Variants in COTL1 observed in about 807,000 individuals in gnomAD.
The protein encoded by COTL1 is coactosin-like protein.
A neutral mutation model predicts 16.5 loss-of-function variants in COTL1; 15 were observed. The ratio of observed to expected loss-of-function variants is 0.91; its 90% CI spans 0.61 to 1.40. The LOEUF (loss-of-function observed/expected upper bound fraction) is 1.40, where lower values mean the gene tolerates loss of function less well. COTL1 is among the 40% of genes most tolerant of loss of function. COTL1 has a pLI of 0.00. For missense variants in COTL1, 220 were observed against 201.5 expected, an observed-to-expected ratio of 1.09 and a Z score of -0.56; for synonymous variants, 112 against 85.3, an observed-to-expected ratio of 1.31 and a Z score of -1.73.
At chr16:84,616,957 G>C (rs1330191518) in intron 2 of COTL1, among the ~76,000 whole-genome samples, 3 of 152,204 alleles carry the variant, frequency 2.0e-5, no homozygotes, top group East Asian at 1.9e-4. Context: ...TCACACCATA[G>C]ATTAGTTTCG....
At chr16:84,569,514 G>A (rs367711610) in intron 3 of COTL1, among the ~76,000 whole-genome samples, 106 of 152,224 alleles carry the variant, frequency 7.0e-4, no homozygotes, top group East Asian at 2.1e-3. Context: ...AGTGGAGAAC[G>A]GGAGGTTAAT....
At position 84,604,349 on chromosome 16, in the gene COTL1, C is replaced by CT. The variant is rs1470995769; in HGVS notation, c.160+13151dup. 2.2e-5 allele frequency among the ~76,000 whole-genome samples: 3 copies of CT among 135,820 alleles called. No individual in the cohort carries two copies. In the East Asian group the frequency reaches 6.6e-4, roughly 30 times the overall value. 89.1% of individuals were successfully genotyped at this position (135,820 alleles called of 152,430 possible). A position where few individuals can be genotyped will look rare whatever the true frequency, so the allele number is the denominator to read the frequency against. On this transcript the variant is annotated intron_variant, in intron 2 of 3. Coordinates refer to ENST00000262428, the MANE Select transcript of COTL1 (RefSeq NM_021149.5). ...CCACGGCCCCCACCCCATGGCCCTA[C>CT]TAGGTTCCTGTCCTCCTGCCCACCC... is the stretch of plus-strand genomic sequence containing the variant.
chr16:84,590,507 G>A lies in COTL1; in HGVS notation c.161-245C>T, dbSNP rs972141638. 1 of 368,370 alleles carries A rather than the reference G, an allele frequency of 2.7e-6. No individual in the cohort carries two copies. The highest frequency in any genetic ancestry group is 4.9e-6 in the Non-Finnish European group (1 of 204,434). 22.8% of individuals were successfully genotyped at this position (368,370 alleles called of 1,614,324 possible). On this transcript the variant is annotated intron_variant, in intron 2 of 3. Transcript: ENST00000262428. This position sits in a 1 kb window ranked among gnomAD's most constrained non-coding sequence, Gnocchi z 5.5. ...GCCCATTTCACAGATGGGAAATGGA[G>A]ATTCAGAGAAGTCACATGGCACTTT...
At chr16:84,606,180 G>C (rs916163740) in intron 2 of COTL1, among the ~76,000 whole-genome samples, 38 of 152,222 alleles carry the variant, frequency 2.5e-4, no homozygotes, top group African/African-American at 8.7e-4. Context: ...AGCTGAATCA[G>C]AAAAGTCACA....
chr16:84,581,975 CTTCTTTTTTTTTTTT>C (rs1227858802), intron 3 of COTL1, among the ~76,000 whole-genome samples: 17 of 133,142 alleles, frequency 1.3e-4, no homozygotes, highest in Admixed American at 1.6e-4. Flanking sequence ...AGATACATTT[CTTCTTTTTTTTTTTT>C]TTTTTTTTTT....
At chr16:84,584,876 G>A (rs2150685306) in intron 3 of COTL1, among the ~76,000 whole-genome samples, 1 of 152,262 alleles carries the variant, frequency 6.6e-6, no homozygotes, top group South Asian at 2.1e-4. Context: ...AGCCCAGAGA[G>A]GGTAAGCCAT....
intron 2 of COTL1, among the ~76,000 whole-genome samples, chr16:84,602,864 A>G (rs1905129112): frequency 6.6e-6 from 1 of 151,792 alleles, no homozygotes; most frequent in Non-Finnish European, 1.5e-5. Flanking sequence ...AAAAAAAAAA[A>G]GTGCATGGAA....
At chr16:84,611,726 A>G (rs1275534655) in intron 2 of COTL1, among the ~76,000 whole-genome samples, 2 of 152,224 alleles carry the variant, frequency 1.3e-5, no homozygotes, top group African/African-American at 4.8e-5. Flanking sequence ...CTATATCTGA[A>G]CTATATCTAC....
chr16:84,585,143 G>A lies in COTL1; in HGVS notation c.318+4962C>T, dbSNP rs575050344. 8.5e-5 allele frequency among the ~76,000 whole-genome samples: 13 copies of A among 152,286 alleles called. No individual in the cohort carries two copies. In the South Asian group the frequency reaches 2.7e-3, roughly 32 times the overall value. On this transcript the variant is annotated intron_variant, in intron 3 of 3. Coordinates refer to ENST00000262428, the MANE Select transcript of COTL1 (RefSeq NM_021149.5). ...ACAAATGAGGACACTGAGGCCCAGG[G>A]AGGGAGAGACTTGCCCATGGTCAGG...
At chr16:84,591,481 G>C (rs1260990177) in intron 2 of COTL1, among the ~76,000 whole-genome samples, 1 of 140,422 alleles carries the variant, frequency 7.1e-6, no homozygotes, top group Non-Finnish European at 1.5e-5. Flanking sequence ...ACCGCGCCCA[G>C]CCTGATTTTT....
chr16:84,580,480 G>T (rs781341397), intron 3 of COTL1, among the ~76,000 whole-genome samples: 1 of 152,094 alleles, frequency 6.6e-6, no homozygotes, highest in Non-Finnish European at 1.5e-5. Context: ...GGAACTCCTG[G>T]GCTCAAGCAA....
intron 3 of COTL1, among the ~76,000 whole-genome samples, chr16:84,578,935 A>C (rs1904515179): frequency 6.8e-6 from 1 of 146,504 alleles, no homozygotes; most frequent in Non-Finnish European, 1.5e-5. Flanking sequence ...AGATACATGC[A>C]TGCACACACA....
chr16:84,595,016 T>A (rs1309937151), intron 2 of COTL1: 1 of 152,306 alleles, frequency 6.6e-6, no homozygotes, highest in Non-Finnish European at 1.5e-5. Context: ...AGGTCTACCT[T>A]GGGCAACACC....
At chr16:84,613,077 T>C (rs1905374069) in intron 2 of COTL1, among the ~76,000 whole-genome samples, 1 of 151,318 alleles carries the variant, frequency 6.6e-6, no homozygotes, top group Admixed American at 6.6e-5. Flanking sequence ...CTCGGCTCAC[T>C]GCAACCTCTG....
At chr16:84,609,525 C>G (rs996365097) in intron 2 of COTL1, among the ~76,000 whole-genome samples, 2 of 152,222 alleles carry the variant, frequency 1.3e-5, no homozygotes, top group Non-Finnish European at 2.9e-5. Context: ...CCTGACATAC[C>G]TCCTGTGATG....
chr16:84,585,678 G>A (rs1904703824), intron 3 of COTL1, among the ~76,000 whole-genome samples: 1 of 152,156 alleles, frequency 6.6e-6, no homozygotes, highest in African/African-American at 2.4e-5. Context: ...GAAGTTGATA[G>A]GCATGCCAGT....
chr16:84,605,406 A>ATCT (rs1905192610), intron 2 of COTL1, among the ~76,000 whole-genome samples: 1 of 152,220 alleles, frequency 6.6e-6, no homozygotes, highest in African/African-American at 2.4e-5. Flanking sequence ...CAGGCAAAAC[A>ATCT]ACGGCCCCTA....
rs1679718586 is a variant in COTL1, at chr16:84,571,484, C to T, written c.319-4529G>A. Among the ~76,000 whole-genome samples, 4 of 152,170 alleles carry T rather than the reference C, an allele frequency of 2.6e-5. No individual in the cohort carries two copies. In the South Asian group the frequency reaches 8.3e-4, roughly 31 times the overall value. On this transcript the variant is annotated intron_variant, in intron 3 of 3. Transcript: ENST00000262428. ...AGTCATGCCCCAGCCCACTGCTCTC[C>T]ACCCTTGCACCTGGGTCCGCTCATC...
At chr16:84,578,663 CCACACAAGTGTGCACA>C (rs1904506373) in intron 3 of COTL1, among the ~76,000 whole-genome samples, 2 of 145,552 alleles carry the variant, frequency 1.4e-5, no homozygotes, top group Admixed American at 1.4e-4. Context: ...AGGCATGCAC[CCACACAAGTGTGCACA>C]CACACACACA....
Sources: allele counts gnomAD v4.1 joint callset (sites outside exome capture counted in the v4.1 genomes callset), GRCh38; gene constraint gnomAD v4.1.1; non-coding constraint Gnocchi (gnomAD v3.1); transcripts MANE v1.5; gene names NCBI Gene and HGNC (gene_info 2026-07-23, HGNC 2026-07-21).